DDX46: variants seen among roughly 807,000 people sequenced by gnomAD.
The protein encoded by DDX46 is probable ATP-dependent RNA helicase DDX46.
DDX46 carries 30 observed loss-of-function variants against 134.9 expected under a neutral mutation model. The ratio of observed to expected loss-of-function variants is 0.22; its 90% CI spans 0.17 to 0.30. DDX46 has a LOEUF of 0.30. DDX46 is among the 10% of genes least tolerant of loss of function. The probability of loss-of-function intolerance (pLI) is 1.00; values close to 1 mark genes in which losing one functional copy is unlikely to be tolerated. For missense variants in DDX46, 622 were observed against 1,248.7 expected (o/e 0.50, Z 7.56); for synonymous variants, 415 against 404.1 (o/e 1.03, Z -0.32).
chr5:134,792,396 A>G (rs1186062370), intron 13 of DDX46, among the ~76,000 whole-genome samples: 1 of 152,084 alleles, frequency 6.6e-6, no homozygotes, highest in African/African-American at 2.4e-5. Context: ...TGGAGAGGAA[A>G]CATTGCTTCG....
At chr5:134,808,051 A>T in intron 16 of DDX46, 110 bp downstream of exon 16, 1 of 996,122 alleles carries the variant, frequency 1.0e-6, no homozygotes, top group East Asian at 2.7e-5. Flanking sequence ...GAAAATCTTT[A>T]ATCCACATAA....
chr5:134,809,954 G>C (rs978172681), intron 16 of DDX46, among the ~76,000 whole-genome samples: 1 of 152,120 alleles, frequency 6.6e-6, no homozygotes, highest in African/African-American at 2.4e-5. Context: ...CAGAGGTTGC[G>C]ATGAACCAAG....
At chr5:134,767,146 T>G in intron 3 of DDX46, 86 bp downstream of exon 3, 9 of 1,477,050 alleles carry the variant, frequency 6.1e-6, no homozygotes, top group Non-Finnish European at 8.1e-6. Flanking sequence ...CCTGTAAGTT[T>G]GTATTTATAG....
chr5:134,764,011 G>T lies in DDX46; in HGVS notation c.125G>T (p.Ser42Ile). 1.2e-6 allele frequency: 2 copies of T among 1,614,212 alleles called. No homozygotes were observed. Among genetic ancestry groups the T allele is most frequent in the Non-Finnish European group, 1.7e-6 (2 of 1,180,038 alleles). Residue 42 changes from serine (S) to isoleucine (I), a missense_variant, in exon 2 of 23, where the codon AGT becomes ATT. By Grantham distance (142) the Ser-to-Ile change is moderately radical. Around this residue, in one of 8 missense-constraint regions of DDX46, gnomAD observed 244 missense variants for 349.3 expected, o/e 0.70. Coordinates refer to ENST00000452510, the MANE Select transcript of DDX46 (RefSeq NM_001300860.2). ...CGTGGAGATGACAGACGGTCTAGAA[G>T]TAGAGATAGAGATAGGAGGAGAGAG... is the stretch of plus-strand genomic sequence containing the variant. ...SKRGDDRRSR[S>I]RDRDRRRERS...
intron 13 of DDX46, among the ~76,000 whole-genome samples, chr5:134,792,686 T>G (rs1349779870): frequency 6.6e-6 from 1 of 152,148 alleles, no homozygotes; most frequent in African/African-American, 2.4e-5. Flanking sequence ...TGTGAATCAT[T>G]CCTTGCCATA....
At chr5:134,766,887 T>C (rs2150130175) in intron 2 of DDX46, 30 bp from the exon 3 acceptor site, 3 of 1,597,668 alleles carry the variant, frequency 1.9e-6, no homozygotes, top group African/African-American at 2.7e-5. Context: ...CATTTGGTCA[T>C]AGAATAAATG....
intron 10 of DDX46, among the ~76,000 whole-genome samples, 194 bp from the exon 11 acceptor site, chr5:134,785,271 A>G (rs1450923644): frequency 6.6e-6 from 1 of 152,188 alleles, no homozygotes; most frequent in African/African-American, 2.4e-5. Context: ...GCATGTTTTT[A>G]AAAATCTGCT....
intron 15 of DDX46, chr5:134,804,853 T>C (rs931574455): frequency 5.6e-5 from 23 of 412,416 alleles, no homozygotes; most frequent in African/African-American, 4.5e-4. Flanking sequence ...GAAAGCATGC[T>C]TAATCCTGTC....
intron 6 of DDX46, 60 bp from the exon 7 acceptor site, chr5:134,781,073 G>T (rs865968280): frequency 8.5e-7 from 1 of 1,177,864 alleles, no homozygotes; most frequent in Middle Eastern, 2.0e-4. Context: ...GTGTGCTTCA[G>T]CAGTCATATA....
At chr5:134,761,002 T>C (rs1212707943) in intron 1 of DDX46, among the ~76,000 whole-genome samples, 1 of 152,112 alleles carries the variant, frequency 6.6e-6, no homozygotes, top group East Asian at 1.9e-4. Context: ...GTTCTGGGAT[T>C]ACAGGCGTGA....
intron 12 of DDX46, 151 bp downstream of exon 12, chr5:134,788,742 G>A: frequency 1.5e-6 from 1 of 657,952 alleles, no homozygotes; most frequent in East Asian, 3.0e-5. Context: ...CCAGCTACTT[G>A]GGAGGCTGAG....
At chr5:134,766,355 C>T (rs935622361) in intron 2 of DDX46, among the ~76,000 whole-genome samples, 48 of 151,344 alleles carry the variant, frequency 3.2e-4, no homozygotes, top group East Asian at 7.8e-4. Flanking sequence ...GTTGGGAGTT[C>T]GAGACCAGCC....
intron 18 of DDX46, among the ~76,000 whole-genome samples, chr5:134,816,139 G>A (rs1381379401): frequency 6.6e-6 from 1 of 152,312 alleles, no homozygotes; most frequent in East Asian, 1.9e-4. Flanking sequence ...TTATTGAACA[G>A]GGATGAAGTT....
chr5:134,813,752 A>G (rs1039124477), intron 18 of DDX46, among the ~76,000 whole-genome samples: 1 of 152,052 alleles, frequency 6.6e-6, no homozygotes, highest in Non-Finnish European at 1.5e-5. Context: ...AGTAGCTGGT[A>G]CTATGGGTGC....
chr5:134,770,298 A>G (rs916055556), intron 3 of DDX46, among the ~76,000 whole-genome samples: 2 of 151,544 alleles, frequency 1.3e-5, no homozygotes, highest in African/African-American at 2.4e-5. Flanking sequence ...GCAGCCTCGA[A>G]CTACTGGGCT....
chr5:134,778,020 C>CTT lies in DDX46; in HGVS notation c.765+312_765+313dup, dbSNP rs558645191. 1,496 of 150,778 alleles carry CTT rather than the reference C, an allele frequency of 9.9e-3. 20 individuals carry two copies. The highest frequency in any genetic ancestry group is 0.036 in the African/African-American group (1,320 of 37,102). 9.3% of individuals were successfully genotyped at this position (150,778 alleles called of 1,614,324 possible). A position where few individuals can be genotyped will look rare whatever the true frequency, so the allele number is the denominator to read the frequency against. ...CTCTAGCACTCCTGTCTTTGATACT[C>CTT]TTTTTTTTTTTTTTTTTTGATACAG... On this transcript the variant is annotated intron_variant, in intron 6 of 22. Transcript: ENST00000452510.
At position 134,819,019 on chromosome 5, in the gene DDX46, T is replaced by C; in HGVS notation, c.2977+15T>C. ...GGCAATTGAAAGTATGTACTGTTAG[T>C]TCTGTTTCAATCTTGAATTTAGATC... On this transcript the variant is annotated intron_variant, in intron 21 of 22. Transcript: ENST00000452510. 1.2e-6 allele frequency: 2 copies of C among 1,611,158 alleles called. No individual in the cohort carries two copies. Among genetic ancestry groups the C allele is most frequent in the South Asian group, 2.2e-5 (2 of 90,520 alleles).
chr5:134,770,199 ATTT>A (rs368105956), intron 3 of DDX46, among the ~76,000 whole-genome samples: 5 of 129,778 alleles, frequency 3.9e-5, no homozygotes, highest in Non-Finnish European at 8.2e-5. Flanking sequence ...GCCTGACCAA[ATTT>A]TTTTTTTTTT....
chr5:134,777,963 A>G (rs144198382), intron 6 of DDX46: 36 of 369,016 alleles, frequency 9.8e-5, no homozygotes, highest in African/African-American at 7.5e-4. Context: ...TTGCTTACAT[A>G]TTAACCTTTT....
Sources: gnomAD v4.1 joint callset for allele counts (sites outside exome capture counted in the v4.1 genomes callset) on GRCh38, gnomAD v4.1.1 for gene constraint, gnomAD v4.1.1 regional missense constraint, MANE v1.5 for transcripts, NCBI Gene and HGNC (gene_info 2026-07-23, HGNC 2026-07-21) for gene names.